The following MAGOHB variants were observed in gnomAD, a reference collection of about 807,000 sequenced individuals.
MAGOHB encodes protein mago nashi homolog 2.
In MAGOHB, 15 loss-of-function variants were observed where a neutral mutation model predicts 20.9. That is an observed-to-expected ratio of 0.72 (90% CI 0.48 to 1.11). MAGOHB has a LOEUF of 1.11. Among genes scored for constraint, MAGOHB ranks in the 50% least tolerant of loss-of-function variants. The pLI is 0.00. For missense variants in MAGOHB, 162 were observed against 177.6 expected, an observed-to-expected ratio of 0.91 and a Z score of 0.50; for synonymous variants, 50 against 57.9, an observed-to-expected ratio of 0.86 and a Z score of 0.62.
chr12:10,605,626 C>G lies in MAGOHB; in HGVS notation c.*649G>C, dbSNP rs151178615. ...CTGAAAACTCATTTAGTTCTCCCCC[C>G]TCCCCTACACACCAAATACATTGTG... On this transcript the variant is annotated 3_prime_UTR_variant, in exon 5 of 5. Coordinates refer to ENST00000320756, the MANE Select transcript of MAGOHB (RefSeq NM_018048.5). 5.3e-4 allele frequency: 81 copies of G among 152,048 alleles called. No individual in the cohort carries two copies. Among genetic ancestry groups the G allele is most frequent in the African/African-American group, 1.9e-3 (80 of 41,454 alleles). 9.4% of individuals were successfully genotyped at this position (152,048 alleles called of 1,614,324 possible).
Position 10,612,957 on chromosome 12 carries a change from T to A in MAGOHB, c.94+482A>T, listed in dbSNP as rs554816606. On this transcript the variant is annotated intron_variant, in intron 1 of 4. Coordinates refer to ENST00000320756, the MANE Select transcript of MAGOHB (RefSeq NM_018048.5). Reference sequence around the variant, plus strand: ...CTGTGGAACTTTACCTCTCCCCTCTTGCTTGGTACTCTTCATGCGTCCTAT... The same window carrying A: ...CTGTGGAACTTTACCTCTCCCCTCTAGCTTGGTACTCTTCATGCGTCCTAT... 47 of 1,289,004 alleles carry A rather than the reference T, an allele frequency of 3.6e-5. No individual in the cohort carries two copies. The South Asian group carries it at 5.6e-4, about 15-fold the overall frequency. 79.8% of individuals were successfully genotyped at this position (1,289,004 alleles called of 1,614,324 possible).
At position 10,613,527 on chromosome 12, in the gene MAGOHB, A is replaced by G. The variant is rs374405006; in HGVS notation, c.6T>C (p.Ala2=). The G allele has an allele frequency of 6.2e-7, 1 of 1,613,574 alleles. No individual in the cohort carries two copies. The highest frequency in any genetic ancestry group is 1.3e-5 in the African/African-American group (1 of 75,010). M[A]VASDFYLRYY... The stretch of plus-strand genomic sequence containing the variant: ...AGCGCAGGTAGAAATCGCTAGCCAC[A>G]GCCATTTTTGTACCCGGGAAGCCCG... Residue 2 remains alanine (A), a synonymous_variant, in exon 1 of 5, where the codon GCT becomes GCC. Coordinates refer to ENST00000320756, the MANE Select transcript of MAGOHB (RefSeq NM_018048.5).
Position 10,607,920 on chromosome 12 carries a change from A to T in MAGOHB, c.281T>A (p.Ile94Asn). 1.3e-6 allele frequency: 2 copies of T among 1,581,146 alleles called. No individual in the cohort carries two copies. The highest frequency in any genetic ancestry group is 1.7e-6 in the Non-Finnish European group (2 of 1,160,570). Residue 94 changes from isoleucine to asparagine, a missense_variant, in exon 4 of 5, where the codon ATT becomes AAT. Ile to Asn is a moderately radical substitution (Grantham distance 149). Coordinates refer to ENST00000320756, the MANE Select transcript of MAGOHB (RefSeq NM_018048.5). ...GGTAAAAGATATGTGCTCATCTCCA[A>T]TTACAATTTCAAGCTCCTAAAAAAT... ...RVGRQELEIV[I>N]GDEHISFTTS... is the part of the protein sequence containing the mutation.
chr12:10,602,104 C>T (rs1865559660), downstream of MAGOHB, among the ~76,000 whole-genome samples: 1 of 152,196 alleles, frequency 6.6e-6, no homozygotes, highest in South Asian at 2.1e-4. Context: ...GATTTACATC[C>T]ACATAGCTGG....
chr12:10,609,987 C>T, intron 2 of MAGOHB, 46 bp from the exon 3 acceptor site: 1 of 1,043,478 alleles, frequency 9.6e-7, no homozygotes, highest in Non-Finnish European at 1.4e-6. Flanking sequence ...ACCTATGTCA[C>T]CCCTCAACTC....
chr12:10,607,080 T>G (rs1217936842), intron 4 of MAGOHB, among the ~76,000 whole-genome samples: 1 of 152,216 alleles, frequency 6.6e-6, no homozygotes, highest in East Asian at 1.9e-4. Flanking sequence ...AGAAATTTGA[T>G]AGTTTAAAAG....
At chr12:10,613,329 T>C in intron 1 of MAGOHB, 110 bp downstream of exon 1, 1 of 917,426 alleles carries the variant, frequency 1.1e-6, no homozygotes, top group Non-Finnish European at 1.8e-6. Flanking sequence ...CTTAAGCTCC[T>C]ATTTCCTTCG....
chr12:10,609,711 G>A (rs1367442958), intron 3 of MAGOHB, 120 bp downstream of exon 3: 3 of 644,562 alleles, frequency 4.7e-6, no homozygotes, highest in East Asian at 5.6e-5. Context: ...AATTTACCAG[G>A]TGCCTATTAA....
At chr12:10,607,788 G>T in intron 4 of MAGOHB, 66 bp downstream of exon 4, 1 of 859,404 alleles carries the variant, frequency 1.2e-6, no homozygotes, top group South Asian at 1.5e-5. Flanking sequence ...CTAGCAAACT[G>T]ACTATAGTTC....
At chr12:10,612,669 G>A (rs1246693736) in intron 1 of MAGOHB, 2 of 1,152,950 alleles carry the variant, frequency 1.7e-6, no homozygotes, top group African/African-American at 1.6e-5. Flanking sequence ...TTGTTGTCCA[G>A]CACAAAACGT....
intron 1 of MAGOHB, among the ~76,000 whole-genome samples, chr12:10,611,499 C>CA (rs1275169654): frequency 1.3e-5 from 2 of 151,952 alleles, no homozygotes; most frequent in Admixed American, 1.3e-4. Context: ...GTAATCCCAG[C>CA]AATTTGGGAG....
At chr12:10,603,090 G>A (rs1865568323), downstream of MAGOHB, among the ~76,000 whole-genome samples, 1 of 152,002 alleles carries the variant, frequency 6.6e-6, no homozygotes, top group African/African-American at 2.4e-5. Flanking sequence ...GCCGAAGCAG[G>A]CACAAGGTCA....
Position 10,606,342 on chromosome 12 carries a change from A to G in MAGOHB, c.380T>C (p.Leu127Ser). The change falls in exon 5 of 5, where the codon TTG (leucine) becomes TCG (serine). Residue 127 changes from leucine (L) to serine (S), a missense_variant. Physicochemically the swap from Leu to Ser is moderately radical, Grantham distance 145. Coordinates refer to ENST00000320756, the MANE Select transcript of MAGOHB (RefSeq NM_018048.5). The stretch of plus-strand genomic sequence containing the variant: ...AACTAAACATTTCAAGTCTTGTACC[A>G]AATAGTAAAATACTCGAAGGCCTTC... ...DPEGLRVFYY[L>S]VQDLKCLVFS... The G allele has an allele frequency of 1.3e-6, 2 of 1,580,136 alleles. No homozygotes were observed. The highest frequency in any genetic ancestry group is 1.7e-6 in the Non-Finnish European group (2 of 1,161,696).
At chr12:10,610,165 T>C (rs1427394987) in intron 2 of MAGOHB, among the ~76,000 whole-genome samples, 1 of 152,214 alleles carries the variant, frequency 6.6e-6, no homozygotes, top group East Asian at 1.9e-4. Flanking sequence ...CATCATTACC[T>C]GTCTTTCAAA....
rs1865598730 is a variant in MAGOHB at position 10,604,970 on chromosome 12, T to C, written c.*1305A>G. On this transcript the variant is annotated 3_prime_UTR_variant, in exon 5 of 5. Transcript: ENST00000320756. ...AAATAGCACTACAAAAAAAGTAGTT[T>C]ATTGGCACCAATTACACCAGTTAAG... 1.3e-5 allele frequency: 2 copies of C among 152,202 alleles called. No individual in the cohort carries two copies. Among genetic ancestry groups the C allele is most frequent in the African/African-American group, 4.8e-5 (2 of 41,452 alleles). The allele number at this position is 152,202 out of a possible 1,614,324, so 9.4% of individuals were successfully genotyped here.
chr12:10,599,857 C>T (rs1364597436), downstream of MAGOHB, among the ~76,000 whole-genome samples: 1 of 152,110 alleles, frequency 6.6e-6, no homozygotes, highest in Admixed American at 6.6e-5. Flanking sequence ...TTGTACACAT[C>T]TTTGGAGAAA....
intron 1 of MAGOHB, among the ~76,000 whole-genome samples, chr12:10,611,071 C>T (rs1408670749): frequency 2.0e-5 from 3 of 152,128 alleles, no homozygotes; most frequent in Non-Finnish European, 4.4e-5. Context: ...TCCCAAAAAT[C>T]GGGTTTTATT....
intron 3 of MAGOHB, chr12:10,609,072 TTAAAA>T (rs1285913372): frequency 5.6e-5 from 9 of 159,800 alleles, no homozygotes; most frequent in Non-Finnish European, 1.2e-4. Context: ...GATACGATGC[TTAAAA>T]TAAATACTGT....
In MAGOHB at chr12:10,610,780, T is replaced by C; in HGVS notation, c.95-100A>G. On this transcript the variant is annotated intron_variant, in intron 1 of 4. Coordinates refer to ENST00000320756, the MANE Select transcript of MAGOHB (RefSeq NM_018048.5). Reference sequence around the variant, plus strand: ...AGGTAAAGACCATTTTATACTACTATTTTTATTAATATTTCCTCCCTCCTT... The same window carrying C: ...AGGTAAAGACCATTTTATACTACTACTTTTATTAATATTTCCTCCCTCCTT... 6.7e-6 allele frequency: 7 copies of C among 1,052,426 alleles called. No individual in the cohort carries two copies. The South Asian group carries it at 1.3e-4, about 19-fold the overall frequency. The allele number at this position is 1,052,426 out of a possible 1,614,324, so 65.2% of individuals were successfully genotyped here.
Sources: allele counts gnomAD v4.1 joint callset (sites outside exome capture counted in the v4.1 genomes callset), GRCh38; gene constraint gnomAD v4.1.1; transcripts MANE v1.5; gene names NCBI Gene and HGNC (gene_info 2026-07-23, HGNC 2026-07-21).